Variants in EML6 observed in about 807,000 individuals in gnomAD.
EML6 encodes the protein EMAP like 6, also known as echinoderm microtubule-associated protein-like 6.
A neutral mutation model predicts 240.1 loss-of-function variants in EML6; 154 were observed. The ratio of observed to expected loss-of-function variants is 0.64; its 90% CI spans 0.56 to 0.73. The LOEUF (loss-of-function observed/expected upper bound fraction) is 0.73, where lower values mean the gene tolerates loss of function less well. Among genes scored for constraint, EML6 ranks in the 30% least tolerant of loss-of-function variants. The probability of loss-of-function intolerance (pLI) is 0.00; values close to 1 mark genes in which losing one functional copy is unlikely to be tolerated. For missense variants in EML6, 2,964 were observed against 2,474.6 expected (o/e 1.20, Z -4.20); for synonymous variants, 1,148 against 899.0 (o/e 1.28, Z -4.95).
chr2:54,753,901 C>T (rs1002048873), intron 2 of EML6, among the ~76,000 whole-genome samples: 6 of 151,838 alleles, frequency 4.0e-5, no homozygotes, highest in African/African-American at 1.5e-4. Flanking sequence ...CTTTGGGAGA[C>T]CAAGGCGGGT....
intron 2 of EML6, among the ~76,000 whole-genome samples, chr2:54,808,201 T>TG: frequency 6.6e-6 from 1 of 152,168 alleles, no homozygotes; most frequent in East Asian, 1.9e-4. Context: ...ATCACAGTTG[T>TG]GGTGGGGTAC....
chr2:54,964,091 T>C lies in EML6; in HGVS notation c.5263T>C (p.Leu1755=), dbSNP rs371093841. 1 of 1,551,766 alleles carries C rather than the reference T, an allele frequency of 6.4e-7. No homozygotes were observed. Among genetic ancestry groups the C allele is most frequent in the Non-Finnish European group, 8.7e-7 (1 of 1,147,010 alleles). ...CATGAAGAATGGAGAGTTTGTCATC[T>C]TGTTGGTGAACAGCCTGAAAGTTTG... ...IGMKNGEFVI[L]LVNSLKVWGK... is the part of the protein sequence containing the mutation. The change falls in exon 37 of 42, where the codon TTG becomes CTG. Residue 1755 remains leucine, a synonymous_variant. Coordinates refer to ENST00000356458, the MANE Select transcript of EML6 (RefSeq NM_001039753.4).
At chr2:54,887,780 A>G (rs555650687) in intron 17 of EML6, among the ~76,000 whole-genome samples, 1 of 152,140 alleles carries the variant, frequency 6.6e-6, no homozygotes, top group African/African-American at 2.4e-5. Context: ...GTGGTTTTAG[A>G]TTGACAGCAA....
chr2:54,962,636 C>T lies in EML6; in HGVS notation c.5082C>T (p.Ala1694=), dbSNP rs527893295. ...GHMEGEIWGL[A]THPSKDLFIS... Reference sequence around the variant, plus strand: ...TGGAAGGGGAGATCTGGGGCCTGGCCACTCACCCTTCCAAGGACCTCTTCA... The same window carrying T: ...TGGAAGGGGAGATCTGGGGCCTGGCTACTCACCCTTCCAAGGACCTCTTCA... Residue 1694 remains alanine (A), a synonymous_variant, in exon 36 of 42, where the codon GCC becomes GCT. Coordinates refer to ENST00000356458, the MANE Select transcript of EML6 (RefSeq NM_001039753.4). 19 of 1,544,066 alleles carry T rather than the reference C, an allele frequency of 1.2e-5. No individual in the cohort carries two copies. The East Asian group carries it at 4.0e-4, about 32-fold the overall frequency.
chr2:54,953,795 G>A (rs939838888), intron 31 of EML6, among the ~76,000 whole-genome samples, 188 bp from the exon 32 acceptor site: 10 of 151,714 alleles, frequency 6.6e-5, no homozygotes, highest in Middle Eastern at 3.4e-3. Flanking sequence ...GCTGAGGCAC[G>A]AGGATCGTGT....
chr2:54,948,571 C>G (rs916210550), intron 28 of EML6, among the ~76,000 whole-genome samples: 1 of 152,226 alleles, frequency 6.6e-6, no homozygotes, highest in African/African-American at 2.4e-5. Context: ...CCAAGCCCCT[C>G]TTGTTTCAAG....
Position 54,869,280 on chromosome 2 carries a change from G to A in EML6, c.2151G>A (p.Gln717=), listed in dbSNP as rs1438800642. 6.4e-7 allele frequency: 1 copy of A among 1,551,522 alleles called. No homozygotes were observed. The highest frequency in any genetic ancestry group is 8.7e-7 in the Non-Finnish European group (1 of 1,146,858). ...AAVAVVYNRQ[Q]HSQRLYLGHD... is the part of the protein sequence containing the mutation. ...TTGCTGTCGTGTATAATCGGCAGCA[G>A]CACTCCCAGAGGCTGTACCTGGGGC... Residue 717 remains glutamine (Q), a synonymous_variant, in exon 15 of 42, where the codon CAG becomes CAA. Transcript: ENST00000356458.
rs1573125011 is a variant in EML6 at position 54,910,964 on chromosome 2, G to A, written c.3420G>A (p.Leu1140=). 2 of 1,529,102 alleles carry A rather than the reference G, an allele frequency of 1.3e-6. No homozygotes were observed. The highest frequency in any genetic ancestry group is 8.8e-7 in the Non-Finnish European group (1 of 1,130,052). The allele number at this position is 1,529,102 out of a possible 1,614,324, so 94.7% of individuals were successfully genotyped here. A position where few individuals can be genotyped will look rare whatever the true frequency, so the allele number is the denominator to read the frequency against. The stretch of plus-strand genomic sequence containing the variant: ...GTTCTGTCGTAACAGGAAAATTATT[G>A]CAAGTGAATTCAGGTGCCAGAGAAC... ...HIDWDSRGKL[L]QVNSGAREQL... Residue 1140 remains leucine (L), a synonymous_variant, in exon 25 of 42, where the codon TTG becomes TTA. Coordinates refer to ENST00000356458, the MANE Select transcript of EML6 (RefSeq NM_001039753.4).
At chr2:54,929,367 C>T (rs1314364059) in intron 28 of EML6, among the ~76,000 whole-genome samples, 1 of 152,098 alleles carries the variant, frequency 6.6e-6, no homozygotes, top group Non-Finnish European at 1.5e-5. Flanking sequence ...TAAGTATTGA[C>T]AAGAATTGTC....
At chr2:54,878,859 A>G (rs1671662599) in intron 16 of EML6, among the ~76,000 whole-genome samples, 1 of 152,220 alleles carries the variant, frequency 6.6e-6, no homozygotes, top group Admixed American at 6.5e-5. Flanking sequence ...TGTTTTTTCT[A>G]AGCACATTTG....
At chr2:54,898,097 G>A (rs951323913) in intron 21 of EML6, among the ~76,000 whole-genome samples, 6 of 152,102 alleles carry the variant, frequency 3.9e-5, no homozygotes, top group African/African-American at 9.6e-5. Flanking sequence ...GGCATTTCCC[G>A]TCATGTGTGC....
intron 2 of EML6, among the ~76,000 whole-genome samples, chr2:54,787,202 C>T (rs1219527550): frequency 3.3e-5 from 5 of 152,052 alleles, no homozygotes; most frequent in Non-Finnish European, 7.4e-5. Flanking sequence ...CTCGAAGTGA[C>T]CAAATGCTCT....
chr2:54,834,330 C>CT (rs746831243), intron 7 of EML6, among the ~76,000 whole-genome samples: 3 of 152,148 alleles, frequency 2.0e-5, no homozygotes, highest in Non-Finnish European at 4.4e-5. Context: ...AATAATGAAG[C>CT]TTGAGTAACT....
intron 2 of EML6, among the ~76,000 whole-genome samples, chr2:54,799,893 T>G (rs1464729781): frequency 3.9e-5 from 6 of 152,198 alleles, no homozygotes; most frequent in Non-Finnish European, 8.8e-5. Context: ...TAGAAATTAT[T>G]TAAAAGGAAA....
intron 7 of EML6, among the ~76,000 whole-genome samples, chr2:54,831,647 G>T (rs1668877467): frequency 6.6e-6 from 1 of 152,348 alleles, no homozygotes; most frequent in East Asian, 1.9e-4. Flanking sequence ...GTGGTGCCTG[G>T]GCTTGGCGTT....
intron 2 of EML6, among the ~76,000 whole-genome samples, chr2:54,758,765 T>C (rs996918587): frequency 1.3e-5 from 2 of 152,200 alleles, no homozygotes; most frequent in Non-Finnish European, 2.9e-5. Flanking sequence ...TATGATGCTA[T>C]ATCTTGTTTT....
At chr2:54,936,239 G>C (rs1029422228) in intron 28 of EML6, among the ~76,000 whole-genome samples, 1 of 152,178 alleles carries the variant, frequency 6.6e-6, no homozygotes, top group African/African-American at 2.4e-5. Flanking sequence ...CATTCTTTTT[G>C]ATAATTGATA....
At position 54,869,241 on chromosome 2, in the gene EML6, C is replaced by T. The variant is rs1229206283; in HGVS notation, c.2112C>T (p.Tyr704=). Residue 704 remains tyrosine, a synonymous_variant, in exon 15 of 42, where the codon TAC becomes TAT. Coordinates refer to ENST00000356458, the MANE Select transcript of EML6 (RefSeq NM_001039753.4). ...LFYTQAGEVV[Y]HIAAVAVVYN... ...ACACACAAGCTGGAGAAGTAGTCTA[C>T]CACATTGCTGCAGTTGCTGTCGTGT... 1 of 1,551,670 alleles carries T rather than the reference C, an allele frequency of 6.4e-7. No individual in the cohort carries two copies. The highest frequency in any genetic ancestry group is 1.4e-5 in the African/African-American group (1 of 73,136).
At position 54,928,507 on chromosome 2, in the gene EML6, G is replaced by A. The variant is rs764775437; in HGVS notation, c.3870G>A (p.Glu1290=). 3.2e-5 allele frequency: 50 copies of A among 1,544,770 alleles called. No homozygotes were observed. The highest frequency in any genetic ancestry group is 4.3e-5 in the Non-Finnish European group (49 of 1,142,518). The change falls in exon 27 of 42, where the codon GAG becomes GAA. Residue 1290 remains glutamate (E), a synonymous_variant. Coordinates refer to ENST00000356458, the MANE Select transcript of EML6 (RefSeq NM_001039753.4). ...AGGAGTCAGACACCGACGTGGAAGA[G>A]GATGGAGGTGAGCCCCCCACCTGCC... The part of the protein sequence containing the change: ...DSEESDTDVE[E]DGGYDSDVAR...
Sources: allele counts gnomAD v4.1 joint callset (sites outside exome capture counted in the v4.1 genomes callset), GRCh38; gene constraint gnomAD v4.1.1; transcripts MANE v1.5; gene names NCBI Gene and HGNC (gene_info 2026-07-23, HGNC 2026-07-21).